ZNF536: variants seen among roughly 807,000 people sequenced by gnomAD.
The protein encoded by ZNF536 is zinc finger protein 536.
Under a neutral mutation model 84.5 loss-of-function variants are expected in ZNF536, and 13 were observed. That is an observed-to-expected ratio of 0.15 (90% CI 0.10 to 0.24). The LOEUF (loss-of-function observed/expected upper bound fraction) is 0.24, where lower values mean the gene tolerates loss of function less well. Ranked by LOEUF, ZNF536 falls within the 10% of genes least tolerant of loss-of-function variation. ZNF536 has a pLI of 1.00. For synonymous variants in ZNF536, 811 were observed against 742.5 expected (o/e 1.09, Z -1.50); for missense variants, 1,536 against 1,747.5 (o/e 0.88, Z 2.16).
At chr19:30,700,290 C>G (rs1177450535) in intron 1 of ZNF536, among the ~76,000 whole-genome samples, 1 of 146,996 alleles carries the variant, frequency 6.8e-6, no homozygotes, top group Non-Finnish European at 1.5e-5. Context: ...CTTTCTCTCC[C>G]TCCCTCCTTC....
chr19:30,342,704 T>A (rs1197647342), intron 2 of ZNF536, among the ~76,000 whole-genome samples: 1 of 152,160 alleles, frequency 6.6e-6, no homozygotes, highest in Non-Finnish European at 1.5e-5. Context: ...GCATTTTGAA[T>A]CCTTATGAAA....
chr19:30,472,838 G>A (rs2053692179), intron 2 of ZNF536, among the ~76,000 whole-genome samples: 1 of 152,006 alleles, frequency 6.6e-6, no homozygotes, highest in Non-Finnish European at 1.5e-5. Flanking sequence ...GCAAGGAAGT[G>A]CTCCAAGGTG....
intron 2 of ZNF536, among the ~76,000 whole-genome samples, chr19:30,474,963 C>T (rs540215565): frequency 6.7e-6 from 1 of 150,240 alleles, no homozygotes; most frequent in Non-Finnish European, 1.5e-5. Flanking sequence ...TTCCCTTCCT[C>T]TCTCTCTCCT....
intron 1 of ZNF536, among the ~76,000 whole-genome samples, chr19:30,680,907 A>T (rs1217036591): frequency 1.3e-5 from 2 of 152,108 alleles, no homozygotes; most frequent in Non-Finnish European, 2.9e-5. Context: ...CATCCTCTCC[A>T]GCACCTGTTG....
chr19:30,614,942 A>ATTTTTTTTTTTTTTTTTTTTTTTTTTTT lies in ZNF536; in HGVS notation c.169+65450_169+65451insTTTTTTTTTTTTTTTTTTTTTTTTTTTT, dbSNP rs555419932. 4.6e-4 allele frequency among the ~76,000 whole-genome samples: 15 copies of ATTTTTTTTTTTTTTTTTTTTTTTTTTTT among 32,306 alleles called. 4 individuals carry two copies. Among genetic ancestry groups the ATTTTTTTTTTTTTTTTTTTTTTTTTTTT allele is most frequent in the Non-Finnish European group, 7.0e-4 (12 of 17,188 alleles). 21.2% of individuals were successfully genotyped at this position (32,306 alleles called of 152,430 possible). ...TTTTCTTTTATTCTCCCCCTTTTCA[A>ATTTTTTTTTTTTTTTTTTTTTTTTTTTT]TTTTTTTTTTTTTTTTTTTTTTGAG... On this transcript the variant is annotated intron_variant, in intron 1 of 1. Transcript: ENST00000592773.
intron 1 of ZNF536, among the ~76,000 whole-genome samples, chr19:30,241,299 G>A (rs1466692281): frequency 1.3e-5 from 2 of 152,184 alleles, no homozygotes; most frequent in Non-Finnish European, 2.9e-5. Flanking sequence ...TAGGTGACAC[G>A]GCGAGACCCT....
intron 1 of ZNF536, among the ~76,000 whole-genome samples, chr19:30,632,417 C>T (rs937259233): frequency 4.6e-5 from 7 of 152,138 alleles, no homozygotes; most frequent in African/African-American, 1.4e-4. Context: ...ATCAGTCTGT[C>T]CAACATGGCG....
At chr19:30,292,407 C>G (rs1481749653) in intron 2 of ZNF536, among the ~76,000 whole-genome samples, 2 of 151,072 alleles carry the variant, frequency 1.3e-5, no homozygotes, top group African/African-American at 4.9e-5. Flanking sequence ...GTGATCACTG[C>G]AGCCTTGACT....
At chr19:30,426,792 G>A (rs1297513747) in intron 1 of ZNF536, among the ~76,000 whole-genome samples, 6 of 152,162 alleles carry the variant, frequency 3.9e-5, no homozygotes, top group African/African-American at 1.4e-4. Flanking sequence ...GGGCCCGGCA[G>A]GGGGAAGGTA....
chr19:30,595,416 T>C (rs1313670511), intron 1 of ZNF536, among the ~76,000 whole-genome samples: 1 of 152,142 alleles, frequency 6.6e-6, no homozygotes, highest in East Asian at 1.9e-4. Flanking sequence ...GCCTCCCGAG[T>C]AGCTGGCATT....
intron 3 of ZNF536, among the ~76,000 whole-genome samples, chr19:30,364,920 C>A (rs903250250): frequency 2.0e-5 from 3 of 152,210 alleles, no homozygotes; most frequent in Admixed American, 2.0e-4. Flanking sequence ...TTCATCAGTT[C>A]TCCTGCTTAT....
chr19:30,683,457 G>A (rs1407565608), intron 1 of ZNF536, among the ~76,000 whole-genome samples: 1 of 152,140 alleles, frequency 6.6e-6, no homozygotes, highest in Non-Finnish European at 1.5e-5. Context: ...TATGATTGCG[G>A]ATATGTTCTG....
At chr19:30,591,910 T>A (rs1447856427) in intron 1 of ZNF536, among the ~76,000 whole-genome samples, 1 of 152,222 alleles carries the variant, frequency 6.6e-6, no homozygotes, top group Non-Finnish European at 1.5e-5. Flanking sequence ...TGACTAGGTA[T>A]GGATATGTTT....
intron 3 of ZNF536, among the ~76,000 whole-genome samples, chr19:30,363,373 G>T (rs2146913226): frequency 6.6e-6 from 1 of 152,284 alleles, no homozygotes; most frequent in South Asian, 2.1e-4. Context: ...CAGGGCTGTG[G>T]ATTCGCGGGG....
At chr19:30,500,140 T>A (rs1394402635) in intron 2 of ZNF536, among the ~76,000 whole-genome samples, 1 of 152,242 alleles carries the variant, frequency 6.6e-6, no homozygotes, top group African/African-American at 2.4e-5. Context: ...GGGATGGGCT[T>A]GAGTTCCAAC....
At chr19:30,648,977 T>C (rs2049585685) in intron 1 of ZNF536, among the ~76,000 whole-genome samples, 1 of 152,180 alleles carries the variant, frequency 6.6e-6, no homozygotes, top group Non-Finnish European at 1.5e-5. Flanking sequence ...CTCCGACCAC[T>C]GTTTCTTCAC....
intron 2 of ZNF536, among the ~76,000 whole-genome samples, chr19:30,484,781 G>A (rs536135733): frequency 6.6e-6 from 1 of 151,664 alleles, no homozygotes; most frequent in Non-Finnish European, 1.5e-5. Context: ...AAAGTGGGGG[G>A]ACAACATCTC....
At chr19:30,653,889 C>A (rs574201170) in intron 1 of ZNF536, among the ~76,000 whole-genome samples, 1 of 152,260 alleles carries the variant, frequency 6.6e-6, no homozygotes, top group South Asian at 2.1e-4. Context: ...AGGCTGCGTG[C>A]CCCCCTGCTG....
intron 1 of ZNF536, among the ~76,000 whole-genome samples, chr19:30,647,646 A>G (rs1869001856): frequency 6.6e-6 from 1 of 152,146 alleles, no homozygotes; most frequent in South Asian, 2.1e-4. Context: ...CTTCCAATCA[A>G]CTATGTTCTA....
Sources: allele counts gnomAD v4.1 joint callset (sites outside exome capture counted in the v4.1 genomes callset), GRCh38; gene constraint gnomAD v4.1.1; transcripts MANE v1.5; gene names NCBI Gene and HGNC (gene_info 2026-07-23, HGNC 2026-07-21).